The following SDK2 variants were observed in gnomAD, a reference collection of about 807,000 sequenced individuals.
SDK2 encodes sidekick cell adhesion molecule 2.
A neutral mutation model predicts 253.9 loss-of-function variants in SDK2; 105 were observed. The observed-to-expected ratio is 0.41, with a 90% CI of 0.35 to 0.49. The LOEUF (loss-of-function observed/expected upper bound fraction) is 0.49, where lower values mean the gene tolerates loss of function less well. Ranked by LOEUF, SDK2 falls within the 20% of genes least tolerant of loss-of-function variation. The pLI is 0.06. For synonymous variants in SDK2, 1,249 were observed against 1,234.9 expected, an observed-to-expected ratio of 1.01 and a Z score of -0.24; for missense variants, 2,608 against 3,003.0, an observed-to-expected ratio of 0.87 and a Z score of 3.07.
At position 73,402,281 on chromosome 17, in the gene SDK2, G is replaced by A. The variant is rs1463733746; in HGVS notation, c.2485-140C>T. The A allele has an allele frequency of 4.7e-6, 4 of 843,450 alleles. No homozygotes were observed. The African/African-American group carries it at 6.8e-5, about 14-fold the overall frequency. 52.2% of individuals were successfully genotyped at this position (843,450 alleles called of 1,614,324 possible). A position where few individuals can be genotyped will look rare whatever the true frequency, so the allele number is the denominator to read the frequency against. ...GGTGCCTCCTCCGAGGGAAGGGACA[G>A]GCAGTGCAGGGAACCTGCGGGGTAC... is the stretch of plus-strand genomic sequence containing the variant. On this transcript the variant is annotated intron_variant, in intron 18 of 44. Transcript: ENST00000392650.
intron 3 of SDK2, among the ~76,000 whole-genome samples, chr17:73,464,314 G>C (rs1031775603): frequency 6.6e-6 from 1 of 152,188 alleles, no homozygotes; most frequent in African/African-American, 2.4e-5. Flanking sequence ...GTTCTCACGA[G>C]ATCTGATGAT....
chr17:73,457,064 A>C (rs534609457), intron 3 of SDK2, among the ~76,000 whole-genome samples: 12 of 152,158 alleles, frequency 7.9e-5, no homozygotes, highest in Non-Finnish European at 1.6e-4. Flanking sequence ...TCCATGTTCA[A>C]CTGTGAGGAG....
intron 1 of SDK2, among the ~76,000 whole-genome samples, chr17:73,552,333 A>T (rs987490768): frequency 6.6e-6 from 1 of 152,258 alleles, no homozygotes; most frequent in Non-Finnish European, 1.5e-5. Flanking sequence ...AGTTTCAATA[A>T]AGAGGGTAAT....
chr17:73,423,011 A>G (rs1362693977), intron 14 of SDK2, among the ~76,000 whole-genome samples: 1 of 148,186 alleles, frequency 6.7e-6, no homozygotes, highest in South Asian at 2.1e-4. Context: ...ACAAGTGTGA[A>G]ACTCCGTCTC....
At chr17:73,605,276 C>T (rs761619217) in intron 1 of SDK2, among the ~76,000 whole-genome samples, 6 of 151,934 alleles carry the variant, frequency 3.9e-5, no homozygotes, top group South Asian at 2.1e-4. Flanking sequence ...GTTTGAGGGA[C>T]GTAGCAGGTC....
chr17:73,533,455 GCAAA>G lies in SDK2; in HGVS notation c.65-25862_65-25859del, dbSNP rs145315819. On this transcript the variant is annotated intron_variant, in intron 1 of 44. Coordinates refer to ENST00000392650, the MANE Select transcript of SDK2 (RefSeq NM_001144952.2). ...CACAGGTTTGTGTCCCAGCAAGAGT[GCAAA>G]CAGTCTGGGACACCCCACGTCCCTG... Among the ~76,000 whole-genome samples the G allele has an allele frequency of 6.0e-3, 912 of 152,350 alleles. 5 individuals are homozygous for G. Among genetic ancestry groups the G allele is most frequent in the African/African-American group, 0.021 (872 of 41,588 alleles).
rs114133824 is a variant in SDK2 at position 73,416,556 on chromosome 17, G to A, written c.2187-564C>T. ...AGTTGACCCTTGAACAACACAGGTTGGAACTGTACAGGTTGGCGTACACAC... is the reference window on the plus strand; with the variant it reads ...AGTTGACCCTTGAACAACACAGGTTAGAACTGTACAGGTTGGCGTACACAC... On this transcript the variant is annotated intron_variant, in intron 16 of 44. Coordinates refer to ENST00000392650, the MANE Select transcript of SDK2 (RefSeq NM_001144952.2). Among the ~76,000 whole-genome samples the A allele has an allele frequency of 5.3e-3, 806 of 151,786 alleles. 7 individuals are homozygous for A. The highest frequency in any genetic ancestry group is 0.019 in the African/African-American group (784 of 41,386).
At chr17:73,391,858 C>T (rs945677425) in intron 27 of SDK2, among the ~76,000 whole-genome samples, 1 of 152,198 alleles carries the variant, frequency 6.6e-6, no homozygotes, top group South Asian at 2.1e-4. Flanking sequence ...TGGATGGATG[C>T]GTCAGTGCTT....
intron 1 of SDK2, among the ~76,000 whole-genome samples, chr17:73,597,699 G>A (rs1199151437): frequency 6.6e-6 from 1 of 150,610 alleles, no homozygotes; most frequent in African/African-American, 2.4e-5. Context: ...AGGCTGGAGT[G>A]CAGTGGCACG....
At chr17:73,456,974 T>G (rs1666586150) in intron 3 of SDK2, among the ~76,000 whole-genome samples, 1 of 152,204 alleles carries the variant, frequency 6.6e-6, no homozygotes, top group African/African-American at 2.4e-5. Context: ...CCTGGGCACC[T>G]GTCAGAAATG....
intron 1 of SDK2, among the ~76,000 whole-genome samples, chr17:73,621,186 A>AACTAT (rs564797699): frequency 2.0e-5 from 3 of 152,338 alleles, no homozygotes; most frequent in Non-Finnish European, 4.4e-5. Flanking sequence ...CTGACCCCTG[A>AACTAT]ACTATATGTA....
At chr17:73,584,533 G>A (rs1011856963) in intron 1 of SDK2, among the ~76,000 whole-genome samples, 1 of 152,236 alleles carries the variant, frequency 6.6e-6, no homozygotes, top group Non-Finnish European at 1.5e-5. Flanking sequence ...CTCTCCGACT[G>A]TAGGAGGCTT....
chr17:73,365,347 G>A lies in SDK2; in HGVS notation c.5216C>T (p.Ser1739Leu). The A allele has an allele frequency of 6.2e-7, 1 of 1,612,856 alleles. No individual in the cohort carries two copies. Among genetic ancestry groups the A allele is most frequent in the Non-Finnish European group, 8.5e-7 (1 of 1,179,460 alleles). Residue 1739 changes from serine (S) to leucine (L), a missense_variant, in exon 38 of 45, where the codon TCA becomes TTA. Around this residue, in one of 2 missense-constraint regions of SDK2, gnomAD observed 1,103 missense variants for 1,143.9 expected, o/e 0.96. Transcript: ENST00000392650. ...CGGGGCTTCCCAGGACACATTCACT[G>A]AGGTTGTGGTCAGCTCACTGAACTT... Reference protein sequence around the residue: ...SVKFSELTTTSVNVSWEAPQF... With the variant: ...SVKFSELTTTLVNVSWEAPQF...
At chr17:73,394,934 G>A (rs141755248) in intron 25 of SDK2, among the ~76,000 whole-genome samples, 3 of 152,290 alleles carry the variant, frequency 2.0e-5, no homozygotes, top group Non-Finnish European at 2.9e-5. Flanking sequence ...GGATACCCCC[G>A]CCCCCCTTGG....
chr17:73,500,857 CTCCTCCA>C (rs2063885658), intron 2 of SDK2, among the ~76,000 whole-genome samples: 2 of 148,986 alleles, frequency 1.3e-5, no homozygotes, highest in Admixed American at 6.7e-5. Flanking sequence ...TCCCTCCATT[CTCCTCCA>C]TCCTCCATCC....
At chr17:73,558,355 A>T (rs377575811) in intron 1 of SDK2, among the ~76,000 whole-genome samples, 88 of 147,930 alleles carry the variant, frequency 5.9e-4, no homozygotes, top group African/African-American at 2.1e-3. Context: ...GACCATGCCC[A>T]GGTAGAGATG....
intron 41 of SDK2, among the ~76,000 whole-genome samples, chr17:73,351,850 A>G (rs536113586): frequency 1.3e-5 from 2 of 152,118 alleles, no homozygotes; most frequent in African/African-American, 4.8e-5. Flanking sequence ...AATGTGGGCA[A>G]TGTGTGGCAG....
At chr17:73,433,655 C>G in intron 10 of SDK2, 77 bp downstream of exon 10, 1 of 1,122,144 alleles carries the variant, frequency 8.9e-7, no homozygotes, top group Admixed American at 2.0e-5. Context: ...CCCAACCTGG[C>G]TGGCTCCAGA....
intron 1 of SDK2, among the ~76,000 whole-genome samples, chr17:73,582,530 T>C (rs989310547): frequency 2.0e-5 from 3 of 152,226 alleles, no homozygotes; most frequent in African/African-American, 7.2e-5. Context: ...ATTAATAATG[T>C]AGAAGCCCCG....
Sources: allele counts gnomAD v4.1 joint callset (sites outside exome capture counted in the v4.1 genomes callset), GRCh38; gene constraint gnomAD v4.1.1; regional missense constraint gnomAD v4.1.1; transcripts MANE v1.5; gene names NCBI Gene and HGNC (gene_info 2026-07-23, HGNC 2026-07-21).